The following PLCB4 variants were observed in gnomAD, a reference collection of about 807,000 sequenced individuals.
The protein encoded by PLCB4 is phospholipase C beta 4.
A neutral mutation model predicts 178.8 loss-of-function variants in PLCB4; 77 were observed. The ratio of observed to expected loss-of-function variants is 0.43; its 90% CI spans 0.36 to 0.52. The LOEUF (loss-of-function observed/expected upper bound fraction) is 0.52, where lower values mean the gene tolerates loss of function less well. PLCB4 is among the 20% of genes least tolerant of loss of function. PLCB4 has a pLI of 0.00. For missense variants in PLCB4, 1,024 were observed against 1,453.4 expected, an observed-to-expected ratio of 0.70 and a Z score of 4.80; for synonymous variants, 496 against 490.8, an observed-to-expected ratio of 1.01 and a Z score of -0.14.
At position 9,332,511 on chromosome 20, in the gene PLCB4, C is replaced by T. The variant is rs142176315; in HGVS notation, c.85-4615C>T. 1.6e-4 allele frequency among the ~76,000 whole-genome samples: 24 copies of T among 151,674 alleles called. 1 individual carries two copies. In the East Asian group the frequency reaches 4.6e-3, roughly 29 times the overall value. ...CATGGGTGGTTTGAAGCATTTGGTC[C>T]AAGAACCTTTCAGCCACAGTTGATG... On this transcript the variant is annotated intron_variant, in intron 4 of 39. Coordinates refer to ENST00000378473, the MANE Select transcript of PLCB4 (RefSeq NM_001377142.1).
intron 30 of PLCB4, among the ~76,000 whole-genome samples, chr20:9,438,957 T>C (rs193082420): frequency 2.6e-5 from 4 of 152,334 alleles, no homozygotes; most frequent in Admixed American, 2.6e-4. Context: ...AAGGAAGATC[T>C]GAATCAACAG....
chr20:9,373,093 T>C lies in PLCB4; in HGVS notation c.733T>C (p.Phe245Leu). 6.6e-7 allele frequency: 1 copy of C among 1,522,188 alleles called. No individual in the cohort carries two copies. Among genetic ancestry groups the C allele is most frequent in the Non-Finnish European group, 9.1e-7 (1 of 1,098,506 alleles). 94.3% of individuals were successfully genotyped at this position (1,522,188 alleles called of 1,614,324 possible). ...TTTAACGGTAGACCAATTAGTGAGC[T>C]TTCTAAATGAAGTAAGCTTTTTCAT... Reference protein sequence around the residue: ...DYLTVDQLVSFLNEHQRDPRL... With the variant: ...DYLTVDQLVSLLNEHQRDPRL... Residue 245 changes from phenylalanine (F) to leucine (L), a missense_variant, in exon 12 of 40, where the codon TTT becomes CTT. Phe to Leu is a conservative substitution (Grantham distance 22, BLOSUM62 0). This residue lies in a region of PLCB4 where 225 missense variants were observed against 291.0 expected (regional missense o/e 0.77). Coordinates refer to ENST00000378473, the MANE Select transcript of PLCB4 (RefSeq NM_001377142.1).
At chr20:9,297,154 C>T (rs554693022) in intron 3 of PLCB4, among the ~76,000 whole-genome samples, 15 of 150,492 alleles carry the variant, frequency 1.0e-4, no homozygotes, top group Admixed American at 8.6e-4. Flanking sequence ...TTCTATAGCC[C>T]GCACCCCCCC....
At chr20:9,456,409 A>ACAAG (rs2122366160) in intron 33 of PLCB4, among the ~76,000 whole-genome samples, 1 of 152,362 alleles carries the variant, frequency 6.6e-6, no homozygotes, top group South Asian at 2.1e-4. Context: ...ACAAGGGAAG[A>ACAAG]CAAGCTAAAG....
At chr20:9,092,863 T>G (rs1310714634) in intron 1 of PLCB4, among the ~76,000 whole-genome samples, 3 of 152,156 alleles carry the variant, frequency 2.0e-5, no homozygotes. Context: ...GCTCTCTCTC[T>G]TGTATCTCAT....
At position 9,437,119 on chromosome 20, in the gene PLCB4, G is replaced by A. The variant is rs1391152671; in HGVS notation, c.2731G>A (p.Ala911Thr). The change falls in exon 30 of 40, where the codon GCT becomes ACT. Residue 911 changes from alanine (A) to threonine (T), a missense_variant. This residue lies in a region of PLCB4 where 227 missense variants were observed against 374.3 expected (regional missense o/e 0.61). Transcript: ENST00000378473. ...SSSELRPTTT[A>T]ALASGVEAKK... The stretch of plus-strand genomic sequence containing the variant: ...CTCTGAGCTCAGACCAACCACCACG[G>A]CTGCCCTGGCCTCTGGTGTGGAAGC... 2.5e-6 allele frequency: 4 copies of A among 1,613,958 alleles called. No individual in the cohort carries two copies. In the African/African-American group the frequency reaches 5.3e-5, roughly 22 times the overall value.
intron 3 of PLCB4, among the ~76,000 whole-genome samples, chr20:9,261,505 T>C (rs1280148668): frequency 7.9e-5 from 12 of 152,206 alleles, no homozygotes; most frequent in Admixed American, 7.9e-4. Context: ...TTTCATGGCA[T>C]TGAATGTTCT....
chr20:9,155,947 G>C (rs2092780744), intron 2 of PLCB4, among the ~76,000 whole-genome samples: 1 of 152,164 alleles, frequency 6.6e-6, no homozygotes, highest in Non-Finnish European at 1.5e-5. Context: ...TTACGAGTGA[G>C]GAGAGAGTGT....
rs2043124673 is a variant in PLCB4 at position 9,457,437 on chromosome 20, A to G, written c.3020A>G (p.Lys1007Arg). Residue 1007 changes from lysine to arginine, a missense_variant, in exon 34 of 40, where the codon AAA becomes AGA. By Grantham distance (26) the Lys-to-Arg change is conservative. Coordinates refer to ENST00000378473, the MANE Select transcript of PLCB4 (RefSeq NM_001377142.1). ...AGGGGAAGTAATTGTCTCGAAATGAAAAAAGAAACAGAAATCAAAATTCAG... is the reference window on the plus strand; with the variant it reads ...AGGGGAAGTAATTGTCTCGAAATGAGAAAAGAAACAGAAATCAAAATTCAG... The part of the protein sequence containing the change: ...KKGGSNCLEM[K>R]KETEIKIQTL... The G allele has an allele frequency of 3.8e-6, 6 of 1,561,580 alleles. No homozygotes were observed. Among genetic ancestry groups the G allele is most frequent in the Non-Finnish European group, 5.3e-6 (6 of 1,132,340 alleles).
chr20:9,233,052 G>A (rs2093950817), intron 3 of PLCB4, among the ~76,000 whole-genome samples: 1 of 152,008 alleles, frequency 6.6e-6, no homozygotes, highest in Non-Finnish European at 1.5e-5. Flanking sequence ...ATTGTCAAAG[G>A]CTGACAATGC....
At chr20:9,329,235 T>C (rs2031246695) in intron 4 of PLCB4, among the ~76,000 whole-genome samples, 1 of 152,204 alleles carries the variant, frequency 6.6e-6, no homozygotes, top group Non-Finnish European at 1.5e-5. Flanking sequence ...TATCTATGTC[T>C]GTAGCTCGGT....
intron 28 of PLCB4, among the ~76,000 whole-genome samples, chr20:9,435,043 TC>T (rs1400910754): frequency 6.6e-6 from 1 of 152,262 alleles, no homozygotes; most frequent in Non-Finnish European, 1.5e-5. Context: ...TTTCATTTTG[TC>T]TACCATGGAA....
At position 9,391,429 on chromosome 20, in the gene PLCB4, AT is replaced by A. The variant is rs202002030; in HGVS notation, c.1323+815del. On this transcript the variant is annotated intron_variant, in intron 17 of 39. Coordinates refer to ENST00000378473, the MANE Select transcript of PLCB4 (RefSeq NM_001377142.1). ...GACCTGCTATTGACAGCAGCACCTG[AT>A]GGGCTCAAACCTGGTAGCATGAGGT... is the stretch of plus-strand genomic sequence containing the variant. 1.3e-3 allele frequency among the ~76,000 whole-genome samples: 196 copies of A among 152,278 alleles called. 3 individuals carry two copies. The East Asian group carries it at 0.033, about 25-fold the overall frequency.
At chr20:9,205,489 A>G (rs757057205) in intron 2 of PLCB4, among the ~76,000 whole-genome samples, 8 of 152,238 alleles carry the variant, frequency 5.3e-5, no homozygotes, top group Non-Finnish European at 1.0e-4. Flanking sequence ...ACAGAGTCAT[A>G]TGCAGTTGTA....
intron 25 of PLCB4, among the ~76,000 whole-genome samples, chr20:9,411,642 A>G (rs2039867501): frequency 6.6e-6 from 1 of 152,180 alleles, no homozygotes; most frequent in Non-Finnish European, 1.5e-5. Context: ...CTGTGAACCA[A>G]GAAGTGAAAT....
At chr20:9,199,484 A>C (rs2147179996) in intron 2 of PLCB4, among the ~76,000 whole-genome samples, 1 of 152,300 alleles carries the variant, frequency 6.6e-6, no homozygotes, top group Non-Finnish European at 1.5e-5. Context: ...TCACTGATGG[A>C]ATCCTGAGAA....
intron 3 of PLCB4, among the ~76,000 whole-genome samples, chr20:9,263,166 C>T (rs186839782): frequency 1.4e-4 from 21 of 152,196 alleles, no homozygotes; most frequent in African/African-American, 3.1e-4. Context: ...AGCACATGTC[C>T]CTCCTTGGTC....
At position 9,423,780 on chromosome 20, in the gene PLCB4, A is replaced by G. The variant is rs1363935683; in HGVS notation, c.2352A>G (p.Ile784Met). ...TGCCGGACCTGGCTGTCTTGAGAAT[A>G]GCTGTGTATGATGATAACAACAAGC... The part of the protein sequence containing the change: ...VILPDLAVLR[I>M]AVYDDNNKLI... Residue 784 changes from isoleucine to methionine, a missense_variant, in exon 28 of 40, where the codon ATA (isoleucine) becomes ATG (methionine). Physicochemically the swap from Ile to Met is conservative, Grantham distance 10 (BLOSUM62 1). Transcript: ENST00000378473. The G allele has an allele frequency of 6.2e-7, 1 of 1,613,980 alleles. No individual in the cohort carries two copies. Among genetic ancestry groups the G allele is most frequent in the Non-Finnish European group, 8.5e-7 (1 of 1,179,948 alleles).
intron 2 of PLCB4, among the ~76,000 whole-genome samples, chr20:9,207,445 G>A (rs2093626860): frequency 6.6e-6 from 1 of 152,204 alleles, no homozygotes; most frequent in Non-Finnish European, 1.5e-5. Flanking sequence ...GTCATTGAAA[G>A]CAAATCTGCC....
Sources: allele counts gnomAD v4.1 joint callset (sites outside exome capture counted in the v4.1 genomes callset), GRCh38; gene constraint gnomAD v4.1.1; regional missense constraint gnomAD v4.1.1; transcripts MANE v1.5; gene names NCBI Gene and HGNC (gene_info 2026-07-23, HGNC 2026-07-21).